Variants in STK32A observed in about 807,000 individuals in gnomAD.
The protein encoded by STK32A is serine/threonine-protein kinase 32A.
In STK32A, 41 loss-of-function variants were observed where a neutral mutation model predicts 53.2. That is an observed-to-expected ratio of 0.77 (90% CI 0.60 to 1.00). The LOEUF (loss-of-function observed/expected upper bound fraction) is 1.00. Among genes scored for constraint, STK32A ranks in the 50% least tolerant of loss-of-function variants. The pLI is 0.00. For missense variants in STK32A, 458 were observed against 485.8 expected, an observed-to-expected ratio of 0.94 and a Z score of 0.54; for synonymous variants, 166 against 162.8, an observed-to-expected ratio of 1.02 and a Z score of -0.15.
chr5:147,273,339 C>A (rs1472172285), intron 2 of STK32A, among the ~76,000 whole-genome samples: 1 of 152,128 alleles, frequency 6.6e-6, no homozygotes, highest in Non-Finnish European at 1.5e-5. Context: ...CTGATTCTAC[C>A]TTTGGGATGG....
chr5:147,239,945 G>A, intron 2 of STK32A: 1 of 427,792 alleles, frequency 2.3e-6, no homozygotes, highest in Non-Finnish European at 4.2e-6. Context: ...TGGGCATGTG[G>A]TGGATAGTTA....
intron 12 of STK32A, 132 bp downstream of exon 12, chr5:147,383,637 T>C (rs1056620071): frequency 5.9e-6 from 5 of 844,292 alleles, no homozygotes; most frequent in African/African-American, 1.8e-5. Flanking sequence ...CAATCTATTA[T>C]AGAAAATGTA....
At chr5:147,242,518 T>A (rs1017379248) in intron 2 of STK32A, among the ~76,000 whole-genome samples, 1 of 152,226 alleles carries the variant, frequency 6.6e-6, no homozygotes, top group Admixed American at 6.5e-5. Flanking sequence ...AGGAGGCCAC[T>A]TTAGATAGGG....
chr5:147,397,566 G>A, the STK32A span: 1 of 1,220,366 alleles, frequency 8.2e-7, no homozygotes, highest in Non-Finnish European at 1.1e-6. Context: ...TTCTCTGTGA[G>A]AGTCTAGAGA....
At chr5:147,398,556 G>A in the STK32A span, among the ~76,000 whole-genome samples, 1 of 152,162 alleles carries the variant, frequency 6.6e-6, no homozygotes, top group Non-Finnish European at 1.5e-5. Flanking sequence ...ACAGTGTCGA[G>A]CCCGTTTCTG....
intron 6 of STK32A, among the ~76,000 whole-genome samples, chr5:147,349,690 T>G (rs376842139): frequency 6.6e-6 from 1 of 152,128 alleles, no homozygotes; most frequent in South Asian, 2.1e-4. Context: ...TCTTTTTTTA[T>G]GTGAAGGAAA....
At chr5:147,279,209 C>A in intron 3 of STK32A, 38 bp from the exon 4 acceptor site, 1 of 1,570,596 alleles carries the variant, frequency 6.4e-7, no homozygotes, top group South Asian at 1.2e-5. Flanking sequence ...GATCCATTAT[C>A]TCCCTAATCA....
intron 4 of STK32A, among the ~76,000 whole-genome samples, chr5:147,302,370 A>G (rs1643977377): frequency 6.6e-6 from 1 of 152,172 alleles, no homozygotes; most frequent in South Asian, 2.1e-4. Context: ...AGGAAACAGA[A>G]TTCAAGGAAT....
chr5:147,343,149 C>A, intron 6 of STK32A, 106 bp downstream of exon 6: 4 of 1,243,676 alleles, frequency 3.2e-6, no homozygotes, highest in Middle Eastern at 1.9e-4. Flanking sequence ...TTGTTCTATT[C>A]ATTCGAGCTC....
chr5:147,327,708 A>G (rs1754669822), intron 5 of STK32A, among the ~76,000 whole-genome samples: 2 of 152,098 alleles, frequency 1.3e-5, no homozygotes, highest in African/African-American at 4.8e-5. Context: ...TCCCCATTTC[A>G]CCTTCGATGA....
At chr5:147,263,601 A>G (rs191734445) in intron 2 of STK32A, among the ~76,000 whole-genome samples, 32 of 152,284 alleles carry the variant, frequency 2.1e-4, no homozygotes, top group Non-Finnish European at 4.4e-4. Flanking sequence ...TTGCTTTGGG[A>G]AAAAAATTAC....
At chr5:147,239,208 A>G (rs750849572) in intron 1 of STK32A, among the ~76,000 whole-genome samples, 16 of 152,230 alleles carry the variant, frequency 1.1e-4, no homozygotes, top group Non-Finnish European at 4.4e-5. Context: ...CAGTAACAAC[A>G]AGACAGTATA....
At chr5:147,339,829 G>A (rs568857335) in intron 5 of STK32A, among the ~76,000 whole-genome samples, 33 of 152,328 alleles carry the variant, frequency 2.2e-4, no homozygotes, top group African/African-American at 7.2e-4. Flanking sequence ...TATTTGGAAT[G>A]AGTGTATTTA....
chr5:147,268,107 C>A (rs1754885150), intron 2 of STK32A, among the ~76,000 whole-genome samples: 2 of 150,032 alleles, frequency 1.3e-5, no homozygotes, highest in African/African-American at 4.9e-5. Context: ...GGTGGACACA[C>A]TTGAGAATCA....
chr5:147,318,909 C>G (rs962809312), intron 4 of STK32A, among the ~76,000 whole-genome samples: 6 of 152,138 alleles, frequency 3.9e-5, no homozygotes, highest in Admixed American at 3.9e-4. Flanking sequence ...TCCTTACCAA[C>G]AGTGGCTCTC....
intron 4 of STK32A, among the ~76,000 whole-genome samples, chr5:147,310,415 G>A (rs1218658002): frequency 6.6e-6 from 1 of 152,168 alleles, no homozygotes; most frequent in Non-Finnish European, 1.5e-5. Context: ...TTTCTGGCTG[G>A]AGAGGCAAAG....
At chr5:147,239,155 G>A (rs1443343930) in intron 1 of STK32A, among the ~76,000 whole-genome samples, 19 of 152,116 alleles carry the variant, frequency 1.2e-4, no homozygotes, top group Admixed American at 1.2e-3. Context: ...GATAGCTAGT[G>A]CATCTTTATG....
chr5:147,311,384 G>A (rs535276798), intron 4 of STK32A, among the ~76,000 whole-genome samples: 104 of 152,286 alleles, frequency 6.8e-4, no homozygotes, highest in African/African-American at 2.4e-3. Context: ...TTTGTAAAAT[G>A]ACCATCGAAT....
At chr5:147,249,763 A>G (rs1753902364) in intron 2 of STK32A, among the ~76,000 whole-genome samples, 1 of 151,868 alleles carries the variant, frequency 6.6e-6, no homozygotes, top group Admixed American at 6.6e-5. Flanking sequence ...AAATACAAAA[A>G]TTAGCCTGGC....
Sources: gnomAD v4.1 joint callset for allele counts (sites outside exome capture counted in the v4.1 genomes callset) on GRCh38, gnomAD v4.1.1 for gene constraint, MANE v1.5 for transcripts, NCBI Gene and HGNC (gene_info 2026-07-23, HGNC 2026-07-21) for gene names.